Variants in GPATCH2 observed in about 807,000 individuals in gnomAD.
GPATCH2 encodes G patch domain-containing protein 2.
Under a neutral mutation model 58.0 loss-of-function variants are expected in GPATCH2, and 51 were observed. That is an observed-to-expected ratio of 0.88 (90% confidence interval 0.70 to 1.11). GPATCH2 has a LOEUF of 1.11. Ranked by LOEUF, GPATCH2 falls within the 50% of genes most tolerant of loss-of-function variation. The pLI is 0.00. For missense variants in GPATCH2, 625 were observed against 652.2 expected (o/e 0.96, Z 0.45); for synonymous variants, 222 against 218.5 (o/e 1.02, Z -0.14).
chr1:217,603,148 T>A (rs999696022), intron 5 of GPATCH2, among the ~76,000 whole-genome samples: 2 of 152,126 alleles, frequency 1.3e-5, no homozygotes, highest in African/African-American at 4.8e-5. Context: ...AATACTAACA[T>A]TCACTTTGCA....
intron 8 of GPATCH2, among the ~76,000 whole-genome samples, chr1:217,462,044 T>A (rs190554233): frequency 1.1e-3 from 160 of 152,290 alleles, no homozygotes; most frequent in African/African-American, 3.6e-3. Context: ...TTCACTTCAA[T>A]TGAAATAACT....
At chr1:217,578,143 G>T (rs1197626429) in intron 5 of GPATCH2, among the ~76,000 whole-genome samples, 1 of 146,204 alleles carries the variant, frequency 6.8e-6, no homozygotes, top group East Asian at 2.2e-4. Flanking sequence ...GGCTGGGGGG[G>T]GATTACCAGT....
At chr1:217,542,390 G>A (rs77161223) in intron 5 of GPATCH2, among the ~76,000 whole-genome samples, 2,362 of 152,328 alleles carry the variant, frequency 0.016, 50 homozygotes, top group East Asian at 0.11. Flanking sequence ...TTGGCTCAGG[G>A]ATGTGGATAT....
rs187321686 is a variant in GPATCH2, at chr1:217,506,072, C to T, written c.1167-7677G>A. ...CTGACCTCAAGTGATCCTCCCATTTCGGCTTAAATTTAAATTCATATGAAA... is the reference window on the plus strand; with the variant it reads ...CTGACCTCAAGTGATCCTCCCATTTTGGCTTAAATTTAAATTCATATGAAA... On this transcript the variant is annotated intron_variant, in intron 6 of 9. Coordinates refer to ENST00000366935, the MANE Select transcript of GPATCH2 (RefSeq NM_018040.5). 1.9e-4 allele frequency among the ~76,000 whole-genome samples: 29 copies of T among 152,256 alleles called. No individual in the cohort carries two copies. The East Asian group carries it at 5.2e-3, about 27-fold the overall frequency.
At chr1:217,572,030 T>TAGGG (rs752628291) in intron 5 of GPATCH2, among the ~76,000 whole-genome samples, 78 of 79,520 alleles carry the variant, frequency 9.8e-4, no homozygotes, top group Non-Finnish European at 1.3e-3. Context: ...GGAAGGGAGG[T>TAGGG]AGGGAGGGAG....
chr1:217,515,224 T>C (rs1458917766), intron 5 of GPATCH2, among the ~76,000 whole-genome samples: 1 of 151,862 alleles, frequency 6.6e-6, no homozygotes, highest in African/African-American at 2.4e-5. Flanking sequence ...GCCTCCCCAG[T>C]AGCTGGGACT....
intron 5 of GPATCH2, among the ~76,000 whole-genome samples, chr1:217,561,322 T>C (rs1665913873): frequency 6.6e-6 from 1 of 152,174 alleles, no homozygotes; most frequent in African/African-American, 2.4e-5. Context: ...CAGGAGGAGC[T>C]CTGGTGTCAC....
At chr1:217,454,610 ACCTTT>A (rs1460907765) in intron 8 of GPATCH2, among the ~76,000 whole-genome samples, 33 of 140,470 alleles carry the variant, frequency 2.3e-4, no homozygotes, top group African/African-American at 8.0e-4. Context: ...AAAAAAAAAA[ACCTTT>A]CCTTTTTTTT....
intron 8 of GPATCH2, among the ~76,000 whole-genome samples, chr1:217,479,433 G>A (rs1661118161): frequency 2.6e-5 from 4 of 152,248 alleles, no homozygotes; most frequent in African/African-American, 9.6e-5. Flanking sequence ...TGCAAACAGT[G>A]TTGTTATAAT....
chr1:217,588,822 G>A (rs1205212936), intron 5 of GPATCH2, among the ~76,000 whole-genome samples: 1 of 152,066 alleles, frequency 6.6e-6, no homozygotes, highest in Non-Finnish European at 1.5e-5. Context: ...TTCCCCAAGG[G>A]AGATAACAAT....
intron 5 of GPATCH2, among the ~76,000 whole-genome samples, chr1:217,586,294 C>T (rs1363925657): frequency 1.3e-5 from 2 of 152,182 alleles, no homozygotes; most frequent in Non-Finnish European, 2.9e-5. Flanking sequence ...TTAAAACATA[C>T]ATTGCACAGC....
chr1:217,443,379 C>T (rs1659236938), intron 9 of GPATCH2, among the ~76,000 whole-genome samples: 1 of 152,090 alleles, frequency 6.6e-6, no homozygotes, highest in Non-Finnish European at 1.5e-5. Flanking sequence ...CTCAATTGTA[C>T]TGCTATTTTT....
chr1:217,595,031 G>A (rs1298119753), intron 5 of GPATCH2, among the ~76,000 whole-genome samples: 1 of 152,150 alleles, frequency 6.6e-6, no homozygotes, highest in Non-Finnish European at 1.5e-5. Context: ...GGGTGACTCT[G>A]AGATTACATT....
At chr1:217,525,736 G>T (rs542341798) in intron 5 of GPATCH2, among the ~76,000 whole-genome samples, 1 of 152,052 alleles carries the variant, frequency 6.6e-6, no homozygotes, top group Non-Finnish European at 1.5e-5. Context: ...AGCAGAAGAG[G>T]TCAGAGGGCA....
At chr1:217,460,212 C>T (rs969859500) in intron 8 of GPATCH2, among the ~76,000 whole-genome samples, 1 of 152,000 alleles carries the variant, frequency 6.6e-6, no homozygotes, top group Non-Finnish European at 1.5e-5. Flanking sequence ...GTCAAAGATC[C>T]CATGAACAGA....
At chr1:217,616,871 T>A (rs534001396) in intron 2 of GPATCH2, among the ~76,000 whole-genome samples, 1 of 152,312 alleles carries the variant, frequency 6.6e-6, no homozygotes, top group African/African-American at 2.4e-5. Context: ...CGTAGAGTCC[T>A]CTTTCTCATT....
intron 9 of GPATCH2, among the ~76,000 whole-genome samples, chr1:217,435,426 A>G (rs183178113): frequency 3.7e-4 from 57 of 152,280 alleles, no homozygotes; most frequent in African/African-American, 1.1e-3. Flanking sequence ...CCACTAATCT[A>G]TCCAGCTGAC....
intron 9 of GPATCH2, among the ~76,000 whole-genome samples, chr1:217,444,671 A>G (rs1332229899): frequency 6.6e-6 from 1 of 152,204 alleles, no homozygotes; most frequent in East Asian, 1.9e-4. Flanking sequence ...GAAGAATTGC[A>G]TATATCCTAG....
chr1:217,442,730 C>T (rs899203502), intron 9 of GPATCH2, among the ~76,000 whole-genome samples: 1 of 152,054 alleles, frequency 6.6e-6, no homozygotes, highest in Admixed American at 6.6e-5. Context: ...TTAAATTAAA[C>T]CTTATATTTA....
Sources: allele counts gnomAD v4.1 joint callset (sites outside exome capture counted in the v4.1 genomes callset), GRCh38; gene constraint gnomAD v4.1.1; transcripts MANE v1.5; gene names NCBI Gene and HGNC (gene_info 2026-07-23, HGNC 2026-07-21).